ATXN2: variants seen among roughly 807,000 people sequenced by gnomAD.
ATXN2 encodes ataxin 2, also known as ataxin-2.
A neutral mutation model predicts 138.6 loss-of-function variants in ATXN2; 37 were observed. The observed-to-expected ratio is 0.27, with a 90% CI of 0.21 to 0.35. The LOEUF is 0.35. Ranked by LOEUF, ATXN2 falls within the 10% of genes least tolerant of loss-of-function variation. ATXN2 has a pLI of 1.00. For missense variants in ATXN2, 1,216 were observed against 1,480.3 expected (o/e 0.82, Z 2.93); for synonymous variants, 549 against 543.7 (o/e 1.01, Z -0.13).
chr12:111,543,549 T>G (rs1881646397), intron 5 of ATXN2, among the ~76,000 whole-genome samples: 1 of 152,164 alleles, frequency 6.6e-6, no homozygotes, highest in African/African-American at 2.4e-5. Context: ...TTCTCCTGTC[T>G]CAGCCTCCCG....
chr12:111,461,057 T>TG (rs926328219), intron 21 of ATXN2: 4 of 152,234 alleles, frequency 2.6e-5, no homozygotes, highest in African/African-American at 9.6e-5. Flanking sequence ...TATCATACGT[T>TG]GTAAACAAAA....
At position 111,509,510 on chromosome 12, in the gene ATXN2, T is replaced by C. The variant is rs374124205; in HGVS notation, c.1935+39A>G. 79 of 1,180,776 alleles carry C rather than the reference T, an allele frequency of 6.7e-5. No homozygotes were observed. The African/African-American group carries it at 1.1e-3, about 17-fold the overall frequency. 73.1% of individuals were successfully genotyped at this position (1,180,776 alleles called of 1,614,324 possible). ...TAGATAAATCTTTAGTAATGCTTAT[T>C]TTCTAAAACTCAAATTCATCAGTTA... On this transcript the variant is annotated intron_variant, in intron 14 of 24. Coordinates refer to ENST00000673436, the MANE Select transcript of ATXN2 (RefSeq NM_001372574.1).
intron 18 of ATXN2, among the ~76,000 whole-genome samples, chr12:111,475,544 C>G (rs984347714): frequency 2.2e-5 from 3 of 133,460 alleles, no homozygotes. Flanking sequence ...GGCTGGAGTA[C>G]AGGTGCGCAA....
At chr12:111,491,745 T>C (rs1878047614) in intron 14 of ATXN2, among the ~76,000 whole-genome samples, 1 of 152,048 alleles carries the variant, frequency 6.6e-6, no homozygotes, top group Non-Finnish European at 1.5e-5. Flanking sequence ...AAAAACAAGG[T>C]GCCATGTCGT....
At chr12:111,596,844 C>G (rs1229444748) in intron 1 of ATXN2, among the ~76,000 whole-genome samples, 1 of 152,144 alleles carries the variant, frequency 6.6e-6, no homozygotes, top group Non-Finnish European at 1.5e-5. Context: ...TTTGATCACT[C>G]AAACTACTCA....
At chr12:111,521,650 T>C (rs565317513) in intron 6 of ATXN2, among the ~76,000 whole-genome samples, 5 of 152,296 alleles carry the variant, frequency 3.3e-5, no homozygotes, top group Admixed American at 2.6e-4. Flanking sequence ...ACCTCAGAAG[T>C]GGCAACTCTG....
intron 18 of ATXN2, among the ~76,000 whole-genome samples, chr12:111,484,367 T>C (rs1318047858): frequency 6.6e-6 from 1 of 151,926 alleles, no homozygotes; most frequent in African/African-American, 2.4e-5. Context: ...ATCCTCCAGC[T>C]GGGATATCAG....
At chr12:111,486,689 G>T in intron 16 of ATXN2, 72 bp downstream of exon 16, 1 of 1,311,642 alleles carries the variant, frequency 7.6e-7, no homozygotes, top group Non-Finnish European at 1.1e-6. Flanking sequence ...TGGCAGGTAT[G>T]GAAGAAGGAC....
chr12:111,454,730 C>T (rs1874932217), intron 23 of ATXN2: 2 of 341,162 alleles, frequency 5.9e-6, no homozygotes, highest in African/African-American at 4.2e-5. Context: ...CATATTCAAA[C>T]GGGCACATGG....
rs1230572281 is a variant in ATXN2 at position 111,453,824 on chromosome 12, C to G, written c.3292G>C (p.Val1098Leu). The G allele has an allele frequency of 6.2e-7, 1 of 1,612,972 alleles. No homozygotes were observed. The highest frequency in any genetic ancestry group is 1.3e-5 in the African/African-American group (1 of 74,898). The change falls in exon 24 of 25, where the codon GTT (valine) becomes CTT (leucine). Residue 1098 changes from valine (V) to leucine (L), a missense_variant. This residue lies in a region of ATXN2 where 490 missense variants were observed against 653.5 expected (regional missense o/e 0.75). Transcript: ENST00000673436. The surrounding 1 kb of genome is among the most constrained non-coding windows in gnomAD (Gnocchi z 5.4). ...GCATGGGCAGTTGGATGAGAAGGAA[C>G]CATTCCTGACTGTACATGAGCCTGA... ...VPQAHVQSGMVPSHPTAHAPM... is the reference protein window; with the variant it reads ...VPQAHVQSGMLPSHPTAHAPM...
Position 111,453,424 on chromosome 12 carries a change from C to T in ATXN2, c.3439+253G>A. On this transcript the variant is annotated intron_variant, in intron 24 of 24. Transcript: ENST00000673436. This position sits in a 1 kb window ranked among gnomAD's most constrained non-coding sequence, Gnocchi z 5.4. ...AACTGAGTCCTAGGCATGCATCAGG[C>T]TGCTGTTGCTGCTGCTGCTGCTTCT... is the stretch of plus-strand genomic sequence containing the variant. The T allele has an allele frequency of 8.1e-7, 1 of 1,240,272 alleles. No homozygotes were observed. The highest frequency in any genetic ancestry group is 1.0e-6 in the Non-Finnish European group (1 of 990,502). The allele number at this position is 1,240,272 out of a possible 1,614,324, so 76.8% of individuals were successfully genotyped here.
chr12:111,502,967 GC>G (rs1319170880), intron 14 of ATXN2, among the ~76,000 whole-genome samples: 1 of 152,182 alleles, frequency 6.6e-6, no homozygotes, highest in Non-Finnish European at 1.5e-5. Context: ...GAAGTAGATA[GC>G]ATGCCACAAT....
At chr12:111,480,451 C>G (rs1000590147) in intron 18 of ATXN2, among the ~76,000 whole-genome samples, 4 of 152,126 alleles carry the variant, frequency 2.6e-5, no homozygotes, top group African/African-American at 9.7e-5. Flanking sequence ...AGGAGACAGG[C>G]AGATCACGAG....
chr12:111,581,569 C>T, intron 1 of ATXN2: 1 of 884,594 alleles, frequency 1.1e-6, no homozygotes, highest in South Asian at 1.3e-5. Context: ...CCCTGTTCAA[C>T]ACCCACTTCA....
intron 1 of ATXN2, among the ~76,000 whole-genome samples, chr12:111,589,010 A>AAAAC (rs1884498285): frequency 2.7e-5 from 4 of 147,454 alleles, no homozygotes; most frequent in Admixed American, 6.9e-5. Flanking sequence ...AAAAAAAAAA[A>AAAAC]AAAAAAAAAA....
At chr12:111,506,821 G>A (rs1464774755) in intron 14 of ATXN2, among the ~76,000 whole-genome samples, 2 of 152,146 alleles carry the variant, frequency 1.3e-5, no homozygotes, top group South Asian at 2.1e-4. Flanking sequence ...GCGCCGCCAC[G>A]CCTGACTGGT....
upstream of ATXN2, chr12:111,599,444 C>G (rs969300734): frequency 8.4e-7 from 1 of 1,196,912 alleles, no homozygotes; most frequent in African/African-American, 1.6e-5. Flanking sequence ...CCCGGGCCAC[C>G]TGGCTGCGGC....
Position 111,534,264 on chromosome 12 carries a change from G to GGTGA in ATXN2, c.572-8952_572-8949dup, listed in dbSNP as rs1455143030. On this transcript the variant is annotated intron_variant, in intron 5 of 24. Transcript: ENST00000673436. ...AAAATATAAAAAATTAGCCAGGCATGGTGATGCGCACCTGTGGTCCCAGGT... is the reference window on the plus strand; with the variant it reads ...AAAATATAAAAAATTAGCCAGGCATGGTGAGTGATGCGCACCTGTGGTCCCAGGT... 7.8e-4 allele frequency among the ~76,000 whole-genome samples: 110 copies of GGTGA among 140,170 alleles called. 2 individuals carry two copies. The highest frequency in any genetic ancestry group is 7.4e-3 in the Admixed American group (109 of 14,786). 92.0% of individuals were successfully genotyped at this position (140,170 alleles called of 152,430 possible). A position where few individuals can be genotyped will look rare whatever the true frequency, so the allele number is the denominator to read the frequency against.
intron 14 of ATXN2, among the ~76,000 whole-genome samples, chr12:111,501,541 AG>A (rs1311221588): frequency 6.6e-6 from 1 of 152,206 alleles, no homozygotes; most frequent in East Asian, 1.9e-4. Flanking sequence ...TTCATTACCA[AG>A]GCTCTTGGTG....
Sources: gnomAD v4.1 joint callset for allele counts (sites outside exome capture counted in the v4.1 genomes callset) on GRCh38, gnomAD v4.1.1 for gene constraint, gnomAD v4.1.1 regional missense constraint, Gnocchi (gnomAD v3.1) non-coding constraint, MANE v1.5 for transcripts, NCBI Gene and HGNC (gene_info 2026-07-23, HGNC 2026-07-21) for gene names.